DCC: variants seen among roughly 807,000 people sequenced by gnomAD.
DCC encodes the protein netrin receptor DCC.
Under a neutral mutation model 172.5 loss-of-function variants are expected in DCC, and 58 were observed. The ratio of observed to expected loss-of-function variants is 0.34; its 90% CI spans 0.27 to 0.42. DCC has a LOEUF of 0.42. Ranked by LOEUF, DCC falls within the 10% of genes least tolerant of loss-of-function variation. The pLI, the probability that DCC is intolerant of heterozygous loss-of-function variation, is 1.00. For missense variants in DCC, 1,740 were observed against 1,791.0 expected (o/e 0.97, Z 0.51); for synonymous variants, 709 against 644.5 (o/e 1.10, Z -1.52).
intron 5 of DCC, among the ~76,000 whole-genome samples, chr18:52,927,079 G>GTATATATACGTATATATGTGTA (rs1555682800): frequency 1.8e-5 from 2 of 108,184 alleles, no homozygotes; most frequent in African/African-American, 7.2e-5. Context: ...ACATATATGT[G>GTATATATACGTATATATGTGTA]TATATACACG....
At chr18:52,955,542 CAGTTA>C (rs987063518) in intron 5 of DCC, among the ~76,000 whole-genome samples, 2 of 149,736 alleles carry the variant, frequency 1.3e-5, no homozygotes, top group African/African-American at 2.5e-5. Flanking sequence ...CATACATTGT[CAGTTA>C]AGTTGGGTAA....
intron 9 of DCC, among the ~76,000 whole-genome samples, chr18:53,196,163 A>T (rs998233245): frequency 3.9e-5 from 6 of 152,170 alleles, no homozygotes; most frequent in Non-Finnish European, 8.8e-5. Flanking sequence ...TGTAAACCTA[A>T]GCACATTTGG....
chr18:52,755,143 CA>C (rs2037058823), intron 2 of DCC, among the ~76,000 whole-genome samples: 1 of 152,210 alleles, frequency 6.6e-6, no homozygotes, highest in African/African-American at 2.4e-5. Flanking sequence ...ATTTGACTTT[CA>C]GTCACTAGAG....
intron 1 of DCC, among the ~76,000 whole-genome samples, chr18:52,686,610 A>G (rs2035840017): frequency 6.6e-6 from 1 of 152,138 alleles, no homozygotes; most frequent in Admixed American, 6.6e-5. Context: ...TCAGAACCCC[A>G]TTAGATCCAC....
intron 1 of DCC, among the ~76,000 whole-genome samples, chr18:52,346,711 A>C (rs1376501398): frequency 6.6e-6 from 1 of 152,098 alleles, no homozygotes. Flanking sequence ...TGGGGGGAAA[A>C]GTTCAAGTAG....
chr18:52,390,312 A>G (rs1985982076), intron 1 of DCC, among the ~76,000 whole-genome samples: 1 of 152,078 alleles, frequency 6.6e-6, no homozygotes, highest in Middle Eastern at 3.4e-3. Context: ...ACCTGCTGGG[A>G]GACATCCACA....
At chr18:53,031,981 T>C (rs1413742594) in intron 5 of DCC, among the ~76,000 whole-genome samples, 1 of 152,302 alleles carries the variant, frequency 6.6e-6, no homozygotes, top group East Asian at 1.9e-4. Context: ...AATATAAGAA[T>C]GTGATATTTT....
At chr18:53,312,714 C>A (rs553471295) in intron 13 of DCC, among the ~76,000 whole-genome samples, 25 of 136,580 alleles carry the variant, frequency 1.8e-4, no homozygotes, top group African/African-American at 6.7e-4. Flanking sequence ...GAGGCTGAGG[C>A]GGGAGAATGG....
intron 5 of DCC, among the ~76,000 whole-genome samples, chr18:52,960,875 A>G (rs1435985663): frequency 1.3e-5 from 2 of 152,148 alleles, no homozygotes; most frequent in East Asian, 3.9e-4. Flanking sequence ...TTTTTGCCAT[A>G]TAGTGATATT....
intron 26 of DCC, among the ~76,000 whole-genome samples, chr18:53,492,896 A>G (rs2045974908): frequency 6.6e-6 from 1 of 152,148 alleles, no homozygotes; most frequent in Non-Finnish European, 1.5e-5. Flanking sequence ...CGTTGAATCT[A>G]TAAATTATTT....
intron 5 of DCC, among the ~76,000 whole-genome samples, chr18:53,034,952 C>T (rs761682931): frequency 6.6e-6 from 1 of 152,102 alleles, no homozygotes; most frequent in Non-Finnish European, 1.5e-5. Flanking sequence ...CCTAGCTAGT[C>T]CTTCCCACTT....
intron 5 of DCC, among the ~76,000 whole-genome samples, chr18:52,944,466 C>T (rs546017202): frequency 2.2e-3 from 340 of 152,118 alleles, no homozygotes; most frequent in Non-Finnish European, 3.8e-3. Context: ...AATATTTGTC[C>T]GAAGAAGCCA....
intron 2 of DCC, among the ~76,000 whole-genome samples, chr18:52,796,280 T>G (rs113794886): frequency 0.043 from 6,544 of 152,096 alleles, 219 homozygotes; most frequent in South Asian, 0.16. Context: ...CTTGTCATTT[T>G]GTTAGTTTTC....
At chr18:52,871,280 C>T (rs2039314108) in intron 2 of DCC, among the ~76,000 whole-genome samples, 1 of 152,056 alleles carries the variant, frequency 6.6e-6, no homozygotes, top group South Asian at 2.1e-4. Context: ...GGTCACCAGT[C>T]AACCTCTCAG....
At chr18:53,151,360 A>G (rs1232441624) in intron 7 of DCC, among the ~76,000 whole-genome samples, 1 of 152,238 alleles carries the variant, frequency 6.6e-6, no homozygotes, top group Non-Finnish European at 1.5e-5. Context: ...AGTCTTACAC[A>G]GGTACATCTT....
intron 27 of DCC, among the ~76,000 whole-genome samples, chr18:53,526,009 C>G (rs991981630): frequency 2.6e-5 from 4 of 152,140 alleles, no homozygotes; most frequent in African/African-American, 9.6e-5. Context: ...ATTTGATACT[C>G]AGCAGTGCCT....
intron 15 of DCC, among the ~76,000 whole-genome samples, chr18:53,364,464 GA>G (rs2057980222): frequency 1.3e-5 from 2 of 151,944 alleles, no homozygotes; most frequent in South Asian, 4.2e-4. Flanking sequence ...TCATGAGAAA[GA>G]AATGAAGTAT....
chr18:53,165,998 G>A (rs752643000), intron 8 of DCC, among the ~76,000 whole-genome samples: 18 of 152,166 alleles, frequency 1.2e-4, no homozygotes, highest in Non-Finnish European at 2.5e-4. Flanking sequence ...TCAGCCAGGT[G>A]GGTGCCAGAG....
At chr18:52,666,289 G>T (rs774517704) in intron 1 of DCC, among the ~76,000 whole-genome samples, 1 of 151,728 alleles carries the variant, frequency 6.6e-6, no homozygotes, top group South Asian at 2.1e-4. Context: ...GTGAGACTCC[G>T]TTACAAAAAA....
Sources: allele counts gnomAD v4.1 joint callset (sites outside exome capture counted in the v4.1 genomes callset), GRCh38; gene constraint gnomAD v4.1.1; transcripts MANE v1.5; gene names NCBI Gene and HGNC (gene_info 2026-07-23, HGNC 2026-07-21).